PPP2CB: variants seen among roughly 807,000 people sequenced by gnomAD.
The protein encoded by PPP2CB is protein phosphatase 2 catalytic subunit beta.
PPP2CB carries 18 observed loss-of-function variants against 39.1 expected under a neutral mutation model. That is an observed-to-expected ratio of 0.46 (90% CI 0.32 to 0.68). The LOEUF (loss-of-function observed/expected upper bound fraction) is 0.68, where lower values mean the gene tolerates loss of function less well. Among genes scored for constraint, PPP2CB ranks in the 30% least tolerant of loss-of-function variants. The pLI is 0.04. For missense variants in PPP2CB, 226 were observed against 396.9 expected (o/e 0.57, Z 3.66); for synonymous variants, 129 against 133.8 (o/e 0.96, Z 0.25).
intron 1 of PPP2CB, among the ~76,000 whole-genome samples, chr8:30,805,003 G>A (rs1463730843): frequency 1.3e-5 from 2 of 152,214 alleles, no homozygotes; most frequent in Middle Eastern, 3.4e-3. Context: ...CCTCTTCACA[G>A]CTGAATCTCT....
In PPP2CB at chr8:30,785,935, G is replaced by C. The variant is rs914423783; in HGVS notation, c.*300C>G. 1.9e-5 allele frequency: 10 copies of C among 528,226 alleles called. No homozygotes were observed. The highest frequency in any genetic ancestry group is 1.6e-4 in the Admixed American group (7 of 43,722). The allele number at this position is 528,226 out of a possible 1,614,324, so 32.7% of individuals were successfully genotyped here. A position where few individuals can be genotyped will look rare whatever the true frequency, so the allele number is the denominator to read the frequency against. ...TAAAATTTCCAAATAAGCGCAAAAG[G>C]AGATGAAGCAGTTAGTTACCTTTTT... is the stretch of plus-strand genomic sequence containing the variant. On this transcript the variant is annotated 3_prime_UTR_variant, in exon 7 of 7. Transcript: ENST00000221138.
chr8:30,797,561 G>A lies in PPP2CB; in HGVS notation c.486+20C>T, dbSNP rs1408789241. The A allele has an allele frequency of 2.5e-6, 4 of 1,582,262 alleles. No homozygotes were observed. Among genetic ancestry groups the A allele is most frequent in the Non-Finnish European group, 3.4e-6 (4 of 1,160,128 alleles). ...GCTTCCATTTACCTCCTCCCAAGAT[G>A]TAAGCACACATATACATACCTGTCC... On this transcript the variant is annotated intron_variant, in intron 3 of 6. Coordinates refer to ENST00000221138, the MANE Select transcript of PPP2CB (RefSeq NM_001009552.2).
At chr8:30,805,723 G>C (rs1406832630) in intron 1 of PPP2CB, among the ~76,000 whole-genome samples, 11 of 152,116 alleles carry the variant, frequency 7.2e-5, no homozygotes, top group Admixed American at 2.6e-4. Flanking sequence ...CTGTATCCCA[G>C]TCTCAACATA....
chr8:30,800,834 C>T (rs941324635), intron 1 of PPP2CB, among the ~76,000 whole-genome samples: 6 of 152,064 alleles, frequency 3.9e-5, no homozygotes, highest in African/African-American at 7.2e-5. Flanking sequence ...CAGAAAACCA[C>T]GAAAGCTAAG....
chr8:30,808,924 T>C (rs1806771843), intron 1 of PPP2CB, among the ~76,000 whole-genome samples: 1 of 64,564 alleles, frequency 1.5e-5, no homozygotes, highest in African/African-American at 1.4e-4. Flanking sequence ...TACATGGCCT[T>C]TTTTTTTTTT....
intron 5 of PPP2CB, among the ~76,000 whole-genome samples, chr8:30,791,898 A>G (rs972621310): frequency 1.3e-5 from 2 of 151,260 alleles, no homozygotes; most frequent in Admixed American, 1.3e-4. Context: ...ATACATGTGT[A>G]TATACATGTG....
chr8:30,794,541 C>T lies in PPP2CB; in HGVS notation c.487-260G>A, dbSNP rs1806488489. 7 of 374,226 alleles carry T rather than the reference C, an allele frequency of 1.9e-5. No individual in the cohort carries two copies. The South Asian group carries it at 2.3e-4, about 12-fold the overall frequency. 23.2% of individuals were successfully genotyped at this position (374,226 alleles called of 1,614,324 possible). Reference sequence around the variant, plus strand: ...GTCAATGGTATCCCCATCCTTGGTACCTACCATTAAATTTCTTTCTTTCTT... The same window carrying T: ...GTCAATGGTATCCCCATCCTTGGTATCTACCATTAAATTTCTTTCTTTCTT... On this transcript the variant is annotated intron_variant, in intron 3 of 6. Coordinates refer to ENST00000221138, the MANE Select transcript of PPP2CB (RefSeq NM_001009552.2).
At chr8:30,799,124 C>T (rs190076759) in intron 2 of PPP2CB, among the ~76,000 whole-genome samples, 8 of 152,150 alleles carry the variant, frequency 5.3e-5, no homozygotes, top group African/African-American at 1.7e-4. Flanking sequence ...CATCGGCCAG[C>T]GTATGCCAGG....
intron 6 of PPP2CB, among the ~76,000 whole-genome samples, chr8:30,789,048 A>ATT (rs1806387997): frequency 7.7e-6 from 1 of 130,428 alleles, no homozygotes; most frequent in East Asian, 2.2e-4. Context: ...GGATGTTTTT[A>ATT]CTTTTTTTTT....
intron 5 of PPP2CB, chr8:30,791,524 C>CTG: frequency 5.0e-6 from 2 of 398,714 alleles, no homozygotes; most frequent in South Asian, 5.4e-5. Context: ...TTAAATGCAG[C>CTG]TCGCTAATTG....
At chr8:30,795,208 C>T (rs144903657) in intron 3 of PPP2CB, among the ~76,000 whole-genome samples, 4 of 151,412 alleles carry the variant, frequency 2.6e-5, no homozygotes, top group East Asian at 2.0e-4. Flanking sequence ...CTCCGCCTTC[C>T]GGGTTCAAGC....
chr8:30,803,817 C>T (rs1477941429), intron 1 of PPP2CB, among the ~76,000 whole-genome samples: 1 of 150,604 alleles, frequency 6.6e-6, no homozygotes, highest in Non-Finnish European at 1.5e-5. Flanking sequence ...AGACAAAATA[C>T]AATTTTTTTT....
intron 5 of PPP2CB, 39 bp from the exon 6 acceptor site, chr8:30,791,354 T>A (rs1371648544): frequency 7.0e-7 from 1 of 1,432,406 alleles, no homozygotes; most frequent in African/African-American, 1.4e-5. Context: ...CATTATAATA[T>A]TATGATTTTG....
At chr8:30,811,045 T>G (rs571603352) in intron 1 of PPP2CB, among the ~76,000 whole-genome samples, 1 of 152,180 alleles carries the variant, frequency 6.6e-6, no homozygotes, top group African/African-American at 2.4e-5. Flanking sequence ...TAAAAATACA[T>G]GAAAATTATT....
At position 30,794,097 on chromosome 8, in the gene PPP2CB, T is replaced by C. The variant is rs1423658787; in HGVS notation, c.577-19A>G. On this transcript the variant is annotated intron_variant, in intron 4 of 6. Transcript: ENST00000221138. ...TTGGGCCCTGGCCAAGAAAAATAAG[T>C]ACATGTTACAAATTATTATCAGTCA... The C allele has an allele frequency of 1.2e-6, 2 of 1,602,210 alleles. No individual in the cohort carries two copies. Among genetic ancestry groups the C allele is most frequent in the African/African-American group, 1.3e-5 (1 of 74,370 alleles).
At chr8:30,802,815 G>C (rs1806648643) in intron 1 of PPP2CB, among the ~76,000 whole-genome samples, 1 of 152,134 alleles carries the variant, frequency 6.6e-6, no homozygotes, top group Non-Finnish European at 1.5e-5. Flanking sequence ...CTACAATATG[G>C]AGGAATCTTG....
In PPP2CB at chr8:30,812,403, T is replaced by C. The variant is rs1218747654; in HGVS notation, c.19A>G (p.Thr7Ala). Reference protein sequence around the residue: MDDKAFTKELDQWVEQL... With the variant: MDDKAFAKELDQWVEQL... ...TCGACCCACTGGTCCAGCTCCTTGGTGAACGCCTTGTCGTCCATGGCGGCC... is the reference window on the plus strand; with the variant it reads ...TCGACCCACTGGTCCAGCTCCTTGGCGAACGCCTTGTCGTCCATGGCGGCC... Residue 7 changes from threonine to alanine, a missense_variant, in exon 1 of 7, where the codon ACC becomes GCC. Thr to Ala is a moderately conservative substitution (Grantham distance 58). Transcript: ENST00000221138. The C allele has an allele frequency of 6.5e-7, 1 of 1,539,200 alleles. No homozygotes were observed. Among genetic ancestry groups the C allele is most frequent in the Admixed American group, 1.8e-5 (1 of 55,664 alleles).
chr8:30,785,664 G>A lies in PPP2CB; in HGVS notation c.*571C>T, dbSNP rs1480103240. On this transcript the variant is annotated 3_prime_UTR_variant, in exon 7 of 7. Coordinates refer to ENST00000221138, the MANE Select transcript of PPP2CB (RefSeq NM_001009552.2). ...ATTTGCTGAGTACACCAAATAGGAT[G>A]CAAGCACTGTCATGACAAATATACA... 1 of 188,356 alleles carries A rather than the reference G, an allele frequency of 5.3e-6. No individual in the cohort carries two copies. Among genetic ancestry groups the A allele is most frequent in the African/African-American group, 2.4e-5 (1 of 41,812 alleles). The allele number at this position is 188,356 out of a possible 1,614,324, so 11.7% of individuals were successfully genotyped here.
intron 5 of PPP2CB, 59 bp downstream of exon 5, chr8:30,793,858 T>C: frequency 6.7e-7 from 1 of 1,488,874 alleles, no homozygotes; most frequent in Non-Finnish European, 9.0e-7. Context: ...TCATAATGCC[T>C]TATTACAGAA....
Sources: gnomAD v4.1 joint callset for allele counts (sites outside exome capture counted in the v4.1 genomes callset) on GRCh38, gnomAD v4.1.1 for gene constraint, MANE v1.5 for transcripts, NCBI Gene and HGNC (gene_info 2026-07-23, HGNC 2026-07-21) for gene names.